ZNF407: variants seen among roughly 807,000 people sequenced by gnomAD.
The protein encoded by ZNF407 is zinc finger protein 407.
A neutral mutation model predicts 131.2 loss-of-function variants in ZNF407; 17 were observed. That is an observed-to-expected ratio of 0.13 (90% CI 0.09 to 0.19). ZNF407 has a LOEUF of 0.19. Ranked by LOEUF, ZNF407 falls within the 10% of genes least tolerant of loss-of-function variation. The pLI is 1.00. For synonymous variants in ZNF407, 1,156 were observed against 1,062.0 expected, an observed-to-expected ratio of 1.09 and a Z score of -1.72; for missense variants, 2,681 against 2,830.6, an observed-to-expected ratio of 0.95 and a Z score of 1.20.
At position 74,635,614 on chromosome 18, in the gene ZNF407, A is replaced by T; in HGVS notation, c.4595A>T (p.Glu1532Val). The change falls in exon 2 of 9, where the codon GAG becomes GTG. Residue 1532 changes from glutamate (E) to valine (V), a missense_variant. Transcript: ENST00000299687. This position sits in a 1 kb window ranked among gnomAD's most constrained non-coding sequence, Gnocchi z 4.7. Reference protein sequence around the residue: ...EDTEQINREREENQGNVCKYC... With the variant: ...EDTEQINRERVENQGNVCKYC... ...ACTGAGCAAATCAACCGCGAGAGGG[A>T]GGAAAACCAGGGAAACGTCTGCAAG... 1 of 1,613,670 alleles carries T rather than the reference A, an allele frequency of 6.2e-7. No individual in the cohort carries two copies. Among genetic ancestry groups the T allele is most frequent in the Non-Finnish European group, 8.5e-7 (1 of 1,179,792 alleles).
intron 8 of ZNF407, among the ~76,000 whole-genome samples, chr18:75,025,959 T>G (rs1234490558): frequency 1.3e-5 from 2 of 152,220 alleles, no homozygotes; most frequent in Non-Finnish European, 2.9e-5. Flanking sequence ...AGGTTTTCAG[T>G]TTGTTATAAA....
intron 8 of ZNF407, among the ~76,000 whole-genome samples, chr18:74,959,496 T>C: frequency 6.6e-6 from 1 of 152,206 alleles, no homozygotes; most frequent in East Asian, 1.9e-4. Flanking sequence ...TGTGTCTGTC[T>C]TTCTGAGTTT....
intron 1 of ZNF407, among the ~76,000 whole-genome samples, chr18:74,617,191 C>CCACGTACATCCAT (rs1983354978): frequency 4.2e-4 from 1 of 2,390 alleles, no homozygotes; most frequent in Non-Finnish European, 1.0e-3. Flanking sequence ...CACACATCGA[C>CCACGTACATCCAT]ACACTTTACT....
intron 3 of ZNF407, among the ~76,000 whole-genome samples, chr18:74,695,348 C>T (rs17055426): frequency 2.6e-5 from 4 of 152,218 alleles, no homozygotes; most frequent in Admixed American, 1.3e-4. Context: ...TCGTTCTTCT[C>T]GTAGTCAGGA....
At chr18:74,976,059 TCAG>T in intron 8 of ZNF407, among the ~76,000 whole-genome samples, 1 of 152,260 alleles carries the variant, frequency 6.6e-6, no homozygotes, top group African/African-American at 2.4e-5. Context: ...CGTAATATTT[TCAG>T]TTTATGCTGC....
chr18:74,631,529 G>A lies in ZNF407; in HGVS notation c.510G>A (p.Pro170=), dbSNP rs368077796. 160 of 1,613,622 alleles carry A rather than the reference G, an allele frequency of 9.9e-5. No homozygotes were observed. Among genetic ancestry groups the A allele is most frequent in the Middle Eastern group, 1.6e-4 (1 of 6,084 alleles). ...LDLERESPFP[P]KEISVSCTIG... ...TGGAAAGAGAATCTCCTTTCCCCCC[G>A]AAAGAAATTAGTGTTAGTTGTACCA... The change falls in exon 2 of 9, where the codon CCG becomes CCA. Residue 170 remains proline (P), a synonymous_variant. Transcript: ENST00000299687.
At chr18:74,918,586 A>G (rs931309878) in intron 7 of ZNF407, among the ~76,000 whole-genome samples, 1 of 152,200 alleles carries the variant, frequency 6.6e-6, no homozygotes, top group Non-Finnish European at 1.5e-5. Flanking sequence ...TTGTGTGCAT[A>G]CATTCACTGT....
At chr18:74,754,076 A>C (rs1175714552) in intron 3 of ZNF407, among the ~76,000 whole-genome samples, 1 of 152,116 alleles carries the variant, frequency 6.6e-6, no homozygotes, top group African/African-American at 2.4e-5. Flanking sequence ...TAGTCTTGGG[A>C]GAGTGTATGT....
At chr18:74,984,066 A>G (rs752386373) in intron 8 of ZNF407, among the ~76,000 whole-genome samples, 4 of 152,216 alleles carry the variant, frequency 2.6e-5, no homozygotes, top group East Asian at 1.9e-4. Context: ...AGGGAAAACC[A>G]TCTCTCTTCT....
chr18:74,731,541 A>G (rs914968712), intron 3 of ZNF407, among the ~76,000 whole-genome samples: 9 of 152,220 alleles, frequency 5.9e-5, no homozygotes, highest in Admixed American at 5.9e-4. Context: ...AAATGCAAAC[A>G]CATTTTCAAT....
intron 1 of ZNF407, among the ~76,000 whole-genome samples, chr18:74,602,378 A>G (rs1207102002): frequency 6.6e-6 from 1 of 152,212 alleles, no homozygotes; most frequent in Non-Finnish European, 1.5e-5. Flanking sequence ...TTTTATTCAT[A>G]CAGTAGTTTC....
chr18:74,870,203 A>G (rs1416033945), intron 4 of ZNF407, among the ~76,000 whole-genome samples: 1 of 152,220 alleles, frequency 6.6e-6, no homozygotes, highest in African/African-American at 2.4e-5. Context: ...TGAAAGGGCT[A>G]GAAAAATATG....
At chr18:75,054,107 G>C (rs1337911752) in intron 8 of ZNF407, among the ~76,000 whole-genome samples, 1 of 152,252 alleles carries the variant, frequency 6.6e-6, no homozygotes, top group East Asian at 1.9e-4. Context: ...GGAAAGAGCA[G>C]CCATGTGCCC....
intron 3 of ZNF407, among the ~76,000 whole-genome samples, chr18:74,771,137 A>G (rs1969351642): frequency 6.6e-6 from 1 of 152,162 alleles, no homozygotes; most frequent in African/African-American, 2.4e-5. Flanking sequence ...TATGGTAATT[A>G]AAACCAAAAG....
At chr18:74,860,039 C>T (rs1376768140) in intron 4 of ZNF407, among the ~76,000 whole-genome samples, 2 of 152,174 alleles carry the variant, frequency 1.3e-5, no homozygotes, top group Non-Finnish European at 2.9e-5. Context: ...GGTACAGTGG[C>T]TAACGCCTGT....
At chr18:74,624,743 G>C (rs1436591630) in intron 1 of ZNF407, among the ~76,000 whole-genome samples, 1 of 152,212 alleles carries the variant, frequency 6.6e-6, no homozygotes, top group Non-Finnish European at 1.5e-5. Flanking sequence ...GGATGGCTGA[G>C]AGCTTTCTTA....
At chr18:74,846,162 T>A (rs905534687) in intron 4 of ZNF407, among the ~76,000 whole-genome samples, 1 of 152,190 alleles carries the variant, frequency 6.6e-6, no homozygotes, top group Non-Finnish European at 1.5e-5. Flanking sequence ...ATTACAATCT[T>A]ATAAATCTTA....
chr18:74,847,392 C>A (rs1970717068), intron 4 of ZNF407, among the ~76,000 whole-genome samples: 1 of 152,158 alleles, frequency 6.6e-6, no homozygotes, highest in Non-Finnish European at 1.5e-5. Flanking sequence ...TATCTTTCCT[C>A]TAAGACCTCT....
chr18:74,901,452 C>T (rs769949184), intron 7 of ZNF407, among the ~76,000 whole-genome samples: 2 of 152,200 alleles, frequency 1.3e-5, no homozygotes, highest in Non-Finnish European at 2.9e-5. Flanking sequence ...CACCACAGTG[C>T]TCCTAAAGTA....
Sources: gnomAD v4.1 joint callset for allele counts (sites outside exome capture counted in the v4.1 genomes callset) on GRCh38, gnomAD v4.1.1 for gene constraint, Gnocchi (gnomAD v3.1) non-coding constraint, MANE v1.5 for transcripts, NCBI Gene and HGNC (gene_info 2026-07-23, HGNC 2026-07-21) for gene names.